MRPS28: variants seen among roughly 807,000 people sequenced by gnomAD.
MRPS28 encodes the protein mitochondrial ribosomal protein S28.
Under a neutral mutation model 10.8 loss-of-function variants are expected in MRPS28, and 7 were observed. That is an observed-to-expected ratio of 0.65 (90% confidence interval 0.37 to 1.22). MRPS28 has a LOEUF of 1.22. Among genes scored for constraint, MRPS28 ranks in the 50% most tolerant of loss-of-function variants. The pLI, the probability that MRPS28 is intolerant of heterozygous loss-of-function variation, is 0.02. For missense variants in MRPS28, 265 were observed against 232.9 expected (o/e 1.14, Z -0.90); for synonymous variants, 121 against 93.3 (o/e 1.30, Z -1.71).
intron 2 of MRPS28, among the ~76,000 whole-genome samples, chr8:79,999,546 G>A (rs1387526556): frequency 6.6e-6 from 1 of 152,184 alleles, no homozygotes; most frequent in African/African-American, 2.4e-5. Flanking sequence ...TACAAATGAA[G>A]ATCTAATAAT....
intron 2 of MRPS28, among the ~76,000 whole-genome samples, chr8:79,962,889 G>T (rs1807409239): frequency 6.6e-6 from 1 of 152,082 alleles, no homozygotes; most frequent in African/African-American, 2.4e-5. Flanking sequence ...ATCACTGAAA[G>T]AAACTAGGAA....
intron 1 of MRPS28, among the ~76,000 whole-genome samples, chr8:80,008,399 C>T (rs561112542): frequency 6.6e-6 from 1 of 152,102 alleles, no homozygotes; most frequent in Non-Finnish European, 1.5e-5. Context: ...AAAGCAATGG[C>T]AACAAAAGCC....
At chr8:79,988,876 G>C (rs1479605100) in intron 2 of MRPS28, among the ~76,000 whole-genome samples, 1 of 152,074 alleles carries the variant, frequency 6.6e-6, no homozygotes, top group Non-Finnish European at 1.5e-5. Flanking sequence ...AAAAACTACT[G>C]TATCTGCTTC....
At chr8:79,964,636 A>G (rs1280214721) in intron 2 of MRPS28, among the ~76,000 whole-genome samples, 1 of 152,144 alleles carries the variant, frequency 6.6e-6, no homozygotes, top group Non-Finnish European at 1.5e-5. Flanking sequence ...ATCTGCAAAA[A>G]TGAAATGCTC....
At chr8:79,978,694 C>T (rs916219843) in intron 2 of MRPS28, among the ~76,000 whole-genome samples, 21 of 152,036 alleles carry the variant, frequency 1.4e-4, no homozygotes, top group African/African-American at 5.1e-4. Context: ...TTCACTCCAC[C>T]CCCATCTCTA....
At chr8:79,991,339 T>G (rs1260128478) in intron 2 of MRPS28, among the ~76,000 whole-genome samples, 1 of 152,150 alleles carries the variant, frequency 6.6e-6, no homozygotes, top group Non-Finnish European at 1.5e-5. Context: ...TTTGCCAGAT[T>G]TGAATTAATA....
intron 1 of MRPS28, among the ~76,000 whole-genome samples, chr8:80,006,879 T>C (rs557246588): frequency 4.3e-4 from 66 of 151,978 alleles, no homozygotes; most frequent in Non-Finnish European, 7.7e-4. Context: ...TGAAACTATT[T>C]CAATCAATAG....
chr8:79,930,139 A>C (rs1052369509), intron 2 of MRPS28, among the ~76,000 whole-genome samples: 2 of 152,214 alleles, frequency 1.3e-5, no homozygotes, highest in African/African-American at 4.8e-5. Context: ...TATCTGACTC[A>C]AATCTGAAGC....
At chr8:79,919,352 A>G (rs915210278) in intron 2 of MRPS28, among the ~76,000 whole-genome samples, 1 of 26,514 alleles carries the variant, frequency 3.8e-5, no homozygotes, top group South Asian at 2.3e-3. Flanking sequence ...TTTGTTTTGA[A>G]AAAAAAAAAA....
At chr8:80,026,217 A>G (rs77789969) in intron 1 of MRPS28, among the ~76,000 whole-genome samples, 2,662 of 152,334 alleles carry the variant, frequency 0.017, 78 homozygotes, top group African/African-American at 0.058. Flanking sequence ...GAGGTAAAGC[A>G]AGTTTTTTCA....
intron 2 of MRPS28, among the ~76,000 whole-genome samples, chr8:79,946,545 C>T (rs1235163156): frequency 6.6e-6 from 1 of 152,044 alleles, no homozygotes; most frequent in African/African-American, 2.4e-5. Flanking sequence ...CATGTTAAAA[C>T]ACATATTCTC....
intron 1 of MRPS28, 46 bp downstream of exon 1, chr8:80,029,990 C>A (rs1445145793): frequency 1.3e-6 from 2 of 1,595,910 alleles, no homozygotes; most frequent in Admixed American, 1.7e-5. Flanking sequence ...CCCACCGCGT[C>A]GTTGGCGTAA....
intron 2 of MRPS28, among the ~76,000 whole-genome samples, chr8:79,996,010 T>C (rs78255449): frequency 0.017 from 2,632 of 152,264 alleles, 75 homozygotes; most frequent in African/African-American, 0.058. Flanking sequence ...ATTTTTATTA[T>C]GATACAATAT....
At chr8:80,029,893 G>C (rs1205608864) in intron 1 of MRPS28, 143 bp downstream of exon 1, 2 of 1,536,436 alleles carry the variant, frequency 1.3e-6, no homozygotes, top group Non-Finnish European at 1.7e-6. Flanking sequence ...CGAGGGCTGA[G>C]CCACAACGCA....
chr8:79,994,519 C>T (rs1808450064), intron 2 of MRPS28, among the ~76,000 whole-genome samples: 1 of 152,134 alleles, frequency 6.6e-6, no homozygotes, highest in African/African-American at 2.4e-5. Context: ...TCACCAACCA[C>T]AACTATTCAG....
intron 2 of MRPS28, among the ~76,000 whole-genome samples, chr8:79,928,733 G>A (rs1806371787): frequency 6.7e-6 from 1 of 150,178 alleles, no homozygotes; most frequent in Non-Finnish European, 1.5e-5. Context: ...AAGCCACCAT[G>A]CCCAGCCTAA....
At chr8:79,952,260 C>A (rs1489294094) in intron 2 of MRPS28, among the ~76,000 whole-genome samples, 1 of 152,032 alleles carries the variant, frequency 6.6e-6, no homozygotes, top group Non-Finnish European at 1.5e-5. Flanking sequence ...TTGTTCATAT[C>A]GATTGAGAAG....
At chr8:79,973,903 G>A (rs1340192681) in intron 2 of MRPS28, among the ~76,000 whole-genome samples, 1 of 150,986 alleles carries the variant, frequency 6.6e-6, no homozygotes, top group Non-Finnish European at 1.5e-5. Flanking sequence ...GTCGTGCATA[G>A]AAATCTAAAC....
chr8:80,028,956 C>G (rs1809571515), intron 1 of MRPS28, among the ~76,000 whole-genome samples: 1 of 151,532 alleles, frequency 6.6e-6, no homozygotes, highest in African/African-American at 2.4e-5. Flanking sequence ...GACCCTGTCT[C>G]AAAAAACAAC....
Sources: allele counts gnomAD v4.1 joint callset (sites outside exome capture counted in the v4.1 genomes callset), GRCh38; gene constraint gnomAD v4.1.1; transcripts MANE v1.5; gene names NCBI Gene and HGNC (gene_info 2026-07-23, HGNC 2026-07-21).